Variants in PLEKHA6 observed in about 807,000 individuals in gnomAD.
The protein encoded by PLEKHA6 is pleckstrin homology domain-containing family A member 6.
Under a neutral mutation model 116.7 loss-of-function variants are expected in PLEKHA6, and 60 were observed. The ratio of observed to expected loss-of-function variants is 0.51; its 90% confidence interval spans 0.42 to 0.64. The LOEUF (loss-of-function observed/expected upper bound fraction) is 0.64, where lower values mean the gene tolerates loss of function less well. PLEKHA6 is among the 30% of genes least tolerant of loss of function. The probability of loss-of-function intolerance (pLI) is 0.00; values close to 1 mark genes in which losing one functional copy is unlikely to be tolerated. For missense variants in PLEKHA6, 1,338 were observed against 1,422.7 expected (o/e 0.94, Z 0.96); for synonymous variants, 489 against 556.1 (o/e 0.88, Z 1.70).
At chr1:204,256,929 G>A (rs548935889) in intron 9 of PLEKHA6, 29 of 596,486 alleles carry the variant, frequency 4.9e-5, no homozygotes, top group African/African-American at 4.9e-4. Context: ...GGTCTGGCTG[G>A]GACACGGAGT....
intron 1 of PLEKHA6, among the ~76,000 whole-genome samples, chr1:204,348,714 A>ACCCCCCCCCCCCCT (rs3038282): frequency 1.5e-5 from 2 of 136,640 alleles, no homozygotes; most frequent in African/African-American, 2.9e-5. Context: ...CAGGTGCCAA[A>ACCCCCCCCCCCCCT]CCCCCCCCCC....
chr1:204,290,232 C>G (rs1358398660), intron 1 of PLEKHA6, among the ~76,000 whole-genome samples: 4 of 152,176 alleles, frequency 2.6e-5, no homozygotes, highest in Non-Finnish European at 5.9e-5. Context: ...TACTCAAAAG[C>G]TTTGAAGAAG....
At chr1:204,263,227 G>A (rs1416089870) in intron 6 of PLEKHA6, among the ~76,000 whole-genome samples, 1 of 152,254 alleles carries the variant, frequency 6.6e-6, no homozygotes, top group Non-Finnish European at 1.5e-5. Context: ...GCCATTGATG[G>A]GGAGTGGGTA....
intron 1 of PLEKHA6, among the ~76,000 whole-genome samples, chr1:204,338,284 T>C (rs1672722431): frequency 2.0e-5 from 3 of 152,196 alleles, no homozygotes; most frequent in Non-Finnish European, 2.9e-5. Flanking sequence ...CTGCCACATA[T>C]GTAAAAGAAT....
At position 204,221,015 on chromosome 1, in the gene PLEKHA6, C is replaced by T. The variant is rs1181893823; in HGVS notation, c.*1773G>A. 6.6e-6 allele frequency: 1 copy of T among 152,022 alleles called. No homozygotes were observed. Among genetic ancestry groups the T allele is most frequent in the Non-Finnish European group, 1.5e-5 (1 of 68,004 alleles). 9.4% of individuals were successfully genotyped at this position (152,022 alleles called of 1,614,324 possible). ...AGAGGAAATGACCTGGGAGCCAATC[C>T]CACCTGCCAGTCTGCAGGGGAGAAA... is the stretch of plus-strand genomic sequence containing the variant. On this transcript the variant is annotated 3_prime_UTR_variant, in exon 23 of 23. Transcript: ENST00000272203.
chr1:204,258,088 C>G (rs765278272), intron 8 of PLEKHA6, among the ~76,000 whole-genome samples: 7 of 152,202 alleles, frequency 4.6e-5, no homozygotes, highest in Non-Finnish European at 8.8e-5. Context: ...GAGCTTCAAT[C>G]TTTGCCTCTT....
chr1:204,366,263 C>G (rs1268686089), intron 3 of PLEKHA6, among the ~76,000 whole-genome samples: 1 of 152,104 alleles, frequency 6.6e-6, no homozygotes, highest in African/African-American at 2.4e-5. Context: ...AAGCAAGAAG[C>G]ATTTGGGTCC....
At chr1:204,312,972 C>T (rs955217663) in intron 1 of PLEKHA6, among the ~76,000 whole-genome samples, 1 of 150,866 alleles carries the variant, frequency 6.6e-6, no homozygotes, top group African/African-American at 2.4e-5. Context: ...TCAAGCATTC[C>T]TCCCACCTCA....
intron 15 of PLEKHA6, among the ~76,000 whole-genome samples, chr1:204,242,432 G>A (rs903801529): frequency 2.1e-4 from 32 of 152,148 alleles, no homozygotes; most frequent in Admixed American, 2.0e-3. Flanking sequence ...TGTCACATAC[G>A]GGTAACATTA....
intron 2 of PLEKHA6, chr1:204,369,074 A>G (rs1673723110): frequency 6.6e-6 from 1 of 152,286 alleles, no homozygotes; most frequent in African/African-American, 2.4e-5. Context: ...GCTGATGGTG[A>G]TGCTGCTGTT....
At chr1:204,304,983 C>A (rs1671153672) in intron 1 of PLEKHA6, among the ~76,000 whole-genome samples, 1 of 152,172 alleles carries the variant, frequency 6.6e-6, no homozygotes, top group Non-Finnish European at 1.5e-5. Flanking sequence ...TTTCTGTGAG[C>A]CCCTGAATTT....
In PLEKHA6 at chr1:204,257,279, C is replaced by CT; in HGVS notation, c.1524+73dup. 7.8e-6 allele frequency: 11 copies of CT among 1,412,716 alleles called. No individual in the cohort carries two copies. Among genetic ancestry groups the CT allele is most frequent in the Non-Finnish European group, 1.1e-5 (11 of 1,026,120 alleles). 87.5% of individuals were successfully genotyped at this position (1,412,716 alleles called of 1,614,324 possible). On this transcript the variant is annotated intron_variant, in intron 9 of 22. Coordinates refer to ENST00000272203, the MANE Select transcript of PLEKHA6 (RefSeq NM_014935.5). The surrounding 1 kb of genome is among the most constrained non-coding windows in gnomAD (Gnocchi z 6.5). ...GGCACAGATGCTCCCACATCTCTGC[C>CT]TTTTCTCAGTAGATGGTCTTAGGCT...
chr1:204,255,610 C>A (rs1325744453), intron 9 of PLEKHA6: 1 of 702,704 alleles, frequency 1.4e-6, no homozygotes, highest in Non-Finnish European at 2.6e-6. Flanking sequence ...ATAAGGGGGG[C>A]ACCAGCTCTG....
rs974250712 is a variant in PLEKHA6 at position 204,220,857 on chromosome 1, C to G, written c.*1931G>C. 1.3e-5 allele frequency: 2 copies of G among 151,304 alleles called. No homozygotes were observed. The highest frequency in any genetic ancestry group is 4.9e-5 in the African/African-American group (2 of 41,038). The allele number at this position is 151,304 out of a possible 1,614,324, so 9.4% of individuals were successfully genotyped here. On this transcript the variant is annotated 3_prime_UTR_variant, in exon 23 of 23. Coordinates refer to ENST00000272203, the MANE Select transcript of PLEKHA6 (RefSeq NM_014935.5). ...GGTGGCAGAGGCGCAGACATTATTT[C>G]TTGGTATTTTACATGTATTTCTAAA... is the stretch of plus-strand genomic sequence containing the variant.
Position 204,261,403 on chromosome 1 carries a change from G to A in PLEKHA6, c.427C>T (p.Pro143Ser). ...VRTYFFSAES[P>S]EEQEAWIQAM... is the part of the protein sequence containing the mutation. ...TGGATCCAGGCCTCTTGCTCCTCGG[G>A]GCTCTCGGCACTGAAGAAGTAGGTG... Residue 143 changes from proline (P) to serine (S), a missense_variant, in exon 7 of 23, where the codon CCC becomes TCC. Pro to Ser is a moderately conservative substitution (Grantham distance 74). This residue lies in a region of PLEKHA6 where 140 missense variants were observed against 197.4 expected (regional missense o/e 0.71). Coordinates refer to ENST00000272203, the MANE Select transcript of PLEKHA6 (RefSeq NM_014935.5). The surrounding 1 kb of genome is among the most constrained non-coding windows in gnomAD (Gnocchi z 4.0). 4 of 1,613,966 alleles carry A rather than the reference G, an allele frequency of 2.5e-6. No individual in the cohort carries two copies. Among genetic ancestry groups the A allele is most frequent in the Non-Finnish European group, 3.4e-6 (4 of 1,179,948 alleles).
intron 1 of PLEKHA6, among the ~76,000 whole-genome samples, chr1:204,337,013 A>G (rs560999809): frequency 6.6e-6 from 1 of 152,358 alleles, no homozygotes; most frequent in South Asian, 2.1e-4. Flanking sequence ...GGCAAGGAGG[A>G]AAGAGTTTTT....
At chr1:204,309,176 T>G (rs1390381979) in intron 1 of PLEKHA6, 8 of 382,918 alleles carry the variant, frequency 2.1e-5, no homozygotes, top group Non-Finnish European at 2.5e-5. Flanking sequence ...CATAGACAGA[T>G]TCACACTGAA....
chr1:204,348,041 C>T (rs888867123), intron 1 of PLEKHA6, among the ~76,000 whole-genome samples: 5 of 152,250 alleles, frequency 3.3e-5, no homozygotes, highest in South Asian at 2.1e-4. Context: ...TGAATTTCAG[C>T]GGAATTCCTA....
intron 1 of PLEKHA6, among the ~76,000 whole-genome samples, chr1:204,330,321 G>A (rs1449530432): frequency 6.6e-6 from 1 of 152,192 alleles, no homozygotes; most frequent in African/African-American, 2.4e-5. Flanking sequence ...CTTTAGAGAT[G>A]AAATATTCAG....
Sources: gnomAD v4.1 joint callset for allele counts (sites outside exome capture counted in the v4.1 genomes callset) on GRCh38, gnomAD v4.1.1 for gene constraint, gnomAD v4.1.1 regional missense constraint, Gnocchi (gnomAD v3.1) non-coding constraint, MANE v1.5 for transcripts, NCBI Gene and HGNC (gene_info 2026-07-23, HGNC 2026-07-21) for gene names.